Variants in RALYL observed in about 807,000 individuals in gnomAD.
RALYL encodes the protein RNA-binding Raly-like protein.
RALYL carries 29 observed loss-of-function variants against 35.1 expected under a neutral mutation model. The observed-to-expected ratio is 0.83, with a 90% CI of 0.61 to 1.13. The LOEUF (loss-of-function observed/expected upper bound fraction) is 1.13, where lower values mean the gene tolerates loss of function less well. RALYL is among the 50% of genes most tolerant of loss of function. RALYL has a pLI of 0.00. For missense variants in RALYL, 359 were observed against 360.4 expected, an observed-to-expected ratio of 1.00 and a Z score of 0.03; for synonymous variants, 120 against 127.6, an observed-to-expected ratio of 0.94 and a Z score of 0.40.
At chr8:84,194,204 G>C (rs751687856) in intron 1 of RALYL, among the ~76,000 whole-genome samples, 1 of 152,298 alleles carries the variant, frequency 6.6e-6, no homozygotes, top group Middle Eastern at 3.4e-3. Flanking sequence ...GTGAAGCTGA[G>C]TATTAAAAGT....
chr8:84,393,318 T>G (rs1861116185), intron 1 of RALYL, among the ~76,000 whole-genome samples: 1 of 152,050 alleles, frequency 6.6e-6, no homozygotes, highest in Admixed American at 6.6e-5. Flanking sequence ...GGGCCTCAGT[T>G]TCTTACTGGC....
At chr8:84,680,644 CT>C (rs1159940237) in intron 2 of RALYL, among the ~76,000 whole-genome samples, 3 of 152,268 alleles carry the variant, frequency 2.0e-5, no homozygotes, top group South Asian at 2.1e-4. Context: ...GCATAAATGT[CT>C]TCTTTTGAGA....
intron 1 of RALYL, among the ~76,000 whole-genome samples, chr8:84,331,610 G>A (rs1018927150): frequency 6.6e-6 from 1 of 152,008 alleles, no homozygotes; most frequent in African/African-American, 2.4e-5. Flanking sequence ...GATGAGGAAA[G>A]CATTCTGAAT....
intron 1 of RALYL, among the ~76,000 whole-genome samples, chr8:84,212,058 G>A (rs1180826280): frequency 6.6e-6 from 1 of 152,084 alleles, no homozygotes; most frequent in Non-Finnish European, 1.5e-5. Context: ...TTCAAATTTT[G>A]TGTTCTTAAC....
chr8:84,448,073 T>C (rs1265935479), intron 1 of RALYL, among the ~76,000 whole-genome samples: 1 of 152,062 alleles, frequency 6.6e-6, no homozygotes, highest in Non-Finnish European at 1.5e-5. Context: ...AACATATAGT[T>C]AAATTTATAC....
intron 2 of RALYL, among the ~76,000 whole-genome samples, chr8:84,565,070 T>C (rs567306086): frequency 2.0e-5 from 3 of 151,760 alleles, no homozygotes; most frequent in African/African-American, 4.8e-5. Context: ...TGTTTTCTAA[T>C]ATATTAGCAG....
chr8:84,726,360 G>T (rs1844958992), intron 2 of RALYL, among the ~76,000 whole-genome samples: 1 of 147,884 alleles, frequency 6.8e-6, no homozygotes, highest in African/African-American at 2.5e-5. Context: ...ATAGTCCTGT[G>T]CAATGTCTTC....
intron 2 of RALYL, among the ~76,000 whole-genome samples, chr8:84,722,806 A>G (rs1469524180): frequency 6.7e-6 from 1 of 150,366 alleles, no homozygotes; most frequent in Non-Finnish European, 1.5e-5. Flanking sequence ...ATATATATAT[A>G]TAGTGTGACA....
intron 4 of RALYL, among the ~76,000 whole-genome samples, chr8:84,844,382 T>C (rs531224887): frequency 6.6e-6 from 1 of 152,192 alleles, no homozygotes; most frequent in Non-Finnish European, 1.5e-5. Flanking sequence ...TCACCATCAC[T>C]GGCCATCAGA....
chr8:84,479,896 T>C (rs2053868162), intron 1 of RALYL, among the ~76,000 whole-genome samples: 2 of 152,312 alleles, frequency 1.3e-5, no homozygotes, highest in Non-Finnish European at 2.9e-5. Flanking sequence ...GGGTATCATG[T>C]AATGTCCAGC....
At chr8:84,439,693 T>C (rs1411546982) in intron 1 of RALYL, among the ~76,000 whole-genome samples, 1 of 152,152 alleles carries the variant, frequency 6.6e-6, no homozygotes, top group East Asian at 1.9e-4. Context: ...TTTCTATTGA[T>C]CTATGCTCCT....
At position 84,528,801 on chromosome 8, in the gene RALYL, T is replaced by C. The variant is rs558607521; in HGVS notation, c.-23-498T>C. Among the ~76,000 whole-genome samples, 140 of 152,284 alleles carry C rather than the reference T, an allele frequency of 9.2e-4. 3 individuals are homozygous for C. Among genetic ancestry groups the C allele is most frequent in the African/African-American group, 3.3e-3 (138 of 41,570 alleles). On this transcript the variant is annotated intron_variant, in intron 1 of 8. Coordinates refer to ENST00000521268, the MANE Select transcript of RALYL (RefSeq NM_173848.7). ...CCACAGCCTTTAATGGAACAAATTG[T>C]TAGTTTCTGACAGAAGGGTTCTGAT...
chr8:84,322,268 A>G (rs1351539454), intron 1 of RALYL, among the ~76,000 whole-genome samples: 1 of 152,120 alleles, frequency 6.6e-6, no homozygotes, highest in East Asian at 1.9e-4. Context: ...TTCTGTGCCC[A>G]TAACAGACCA....
chr8:84,707,782 G>T (rs1307791900), intron 2 of RALYL, among the ~76,000 whole-genome samples: 1 of 152,042 alleles, frequency 6.6e-6, no homozygotes, highest in Non-Finnish European at 1.5e-5. Flanking sequence ...AAAGCAAATA[G>T]AATCCTTAAA....
chr8:84,916,447 T>A (rs561481933), intron 8 of RALYL, among the ~76,000 whole-genome samples: 23 of 152,058 alleles, frequency 1.5e-4, no homozygotes, highest in African/African-American at 5.3e-4. Flanking sequence ...TGGGAGGTAA[T>A]TGCGTAATGG....
At chr8:84,920,407 C>G (rs1849133413) in intron 8 of RALYL, among the ~76,000 whole-genome samples, 2 of 152,040 alleles carry the variant, frequency 1.3e-5, no homozygotes, top group Admixed American at 1.3e-4. Flanking sequence ...TGATTTTCTT[C>G]TTTTGCAACC....
At chr8:84,505,694 G>T (rs1421411746) in intron 1 of RALYL, among the ~76,000 whole-genome samples, 1 of 151,578 alleles carries the variant, frequency 6.6e-6, no homozygotes, top group African/African-American at 2.4e-5. Context: ...GGTAGTTTTC[G>T]ATGATTTAAT....
At chr8:84,798,565 G>A (rs1822470913) in intron 3 of RALYL, among the ~76,000 whole-genome samples, 1 of 152,150 alleles carries the variant, frequency 6.6e-6, no homozygotes, top group Non-Finnish European at 1.5e-5. Context: ...ACTGGAATTA[G>A]GCAATCTGAT....
At chr8:84,563,950 G>A (rs1188146935) in intron 2 of RALYL, among the ~76,000 whole-genome samples, 1 of 151,670 alleles carries the variant, frequency 6.6e-6, no homozygotes, top group Middle Eastern at 3.4e-3. Context: ...ATTTTTACAG[G>A]TATGTAAAAA....
Sources: gnomAD v4.1 joint callset for allele counts (sites outside exome capture counted in the v4.1 genomes callset) on GRCh38, gnomAD v4.1.1 for gene constraint, MANE v1.5 for transcripts, NCBI Gene and HGNC (gene_info 2026-07-23, HGNC 2026-07-21) for gene names.